CACNA2D3: variants seen among roughly 807,000 people sequenced by gnomAD.
CACNA2D3 encodes the protein voltage-dependent calcium channel subunit alpha-2/delta-3.
Under a neutral mutation model 160.6 loss-of-function variants are expected in CACNA2D3, and 60 were observed. That is an observed-to-expected ratio of 0.37 (90% CI 0.30 to 0.46). The LOEUF (loss-of-function observed/expected upper bound fraction) is 0.46, where lower values mean the gene tolerates loss of function less well. Among genes scored for constraint, CACNA2D3 ranks in the 20% least tolerant of loss-of-function variants. The pLI, the probability that CACNA2D3 is intolerant of heterozygous loss-of-function variation, is 1.00. For synonymous variants in CACNA2D3, 558 were observed against 492.9 expected (o/e 1.13, Z -1.75); for missense variants, 1,205 against 1,365.0 (o/e 0.88, Z 1.85).
At chr3:55,067,974 C>G (rs1000837854) in intron 35 of CACNA2D3, among the ~76,000 whole-genome samples, 2 of 152,172 alleles carry the variant, frequency 1.3e-5, no homozygotes, top group Non-Finnish European at 1.5e-5. Context: ...CTCCCTGTAA[C>G]CTGTGTTATG....
intron 5 of CACNA2D3, among the ~76,000 whole-genome samples, chr3:54,546,355 C>T (rs1183621616): frequency 6.6e-6 from 1 of 152,086 alleles, no homozygotes; most frequent in East Asian, 1.9e-4. Context: ...GTGTTTGGTT[C>T]CTTATATTGG....
intron 27 of CACNA2D3, among the ~76,000 whole-genome samples, chr3:54,923,695 G>A (rs1700920405): frequency 6.6e-6 from 1 of 152,206 alleles, no homozygotes; most frequent in African/African-American, 2.4e-5. Context: ...GCTAGGAAGA[G>A]TGAAGCACTG....
At chr3:54,234,832 G>A (rs1023024968) in intron 2 of CACNA2D3, among the ~76,000 whole-genome samples, 1 of 152,024 alleles carries the variant, frequency 6.6e-6, no homozygotes, top group African/African-American at 2.4e-5. Flanking sequence ...CACAAAGAAG[G>A]GAACAACAGA....
chr3:54,577,460 C>A (rs1190090910), intron 8 of CACNA2D3, among the ~76,000 whole-genome samples: 1 of 152,140 alleles, frequency 6.6e-6, no homozygotes, highest in African/African-American at 2.4e-5. Flanking sequence ...CCAACAAATG[C>A]AGATCCATGA....
intron 16 of CACNA2D3, among the ~76,000 whole-genome samples, chr3:54,842,206 A>G (rs531373539): frequency 1.2e-4 from 18 of 152,364 alleles, no homozygotes; most frequent in Non-Finnish European, 2.4e-4. Context: ...CACACAAAAC[A>G]TTCTGATGTT....
chr3:54,807,242 G>A (rs1312964170), intron 13 of CACNA2D3, among the ~76,000 whole-genome samples: 1 of 152,150 alleles, frequency 6.6e-6, no homozygotes, highest in African/African-American at 2.4e-5. Flanking sequence ...CACAGCGAAA[G>A]AAACTACCAT....
At chr3:54,676,757 G>A (rs771547375) in intron 11 of CACNA2D3, among the ~76,000 whole-genome samples, 2 of 152,172 alleles carry the variant, frequency 1.3e-5, no homozygotes, top group Non-Finnish European at 2.9e-5. Flanking sequence ...AGAGGGGAGA[G>A]TGGCTTAATT....
chr3:54,399,802 C>T lies in CACNA2D3; in HGVS notation c.381+13028C>T, dbSNP rs958540136. Among the ~76,000 whole-genome samples, 3 of 116,042 alleles carry T rather than the reference C, an allele frequency of 2.6e-5. 1 individual carries two copies. Among genetic ancestry groups the T allele is most frequent in the Non-Finnish European group, 5.4e-5 (3 of 55,694 alleles). The allele number at this position is 116,042 out of a possible 152,430, so 76.1% of individuals were successfully genotyped here. A position where few individuals can be genotyped will look rare whatever the true frequency, so the allele number is the denominator to read the frequency against. ...CTGTGCCCTGCCCCCAGAGGTGGAG[C>T]CTACAGAGGCAGGCAGGCCTCCTTG... On this transcript the variant is annotated intron_variant, in intron 4 of 37. Coordinates refer to ENST00000474759, the MANE Select transcript of CACNA2D3 (RefSeq NM_018398.3).
rs544292058 is a variant in CACNA2D3, at chr3:54,446,101, T to C, written c.382-57391T>C. On this transcript the variant is annotated intron_variant, in intron 4 of 37. Transcript: ENST00000474759. ...CACATGTTCATAGAAGAAGAGAACA[T>C]GTTTTCGGGGAGATGTCTTTTCGTG... Among the ~76,000 whole-genome samples the C allele has an allele frequency of 3.9e-5, 6 of 152,314 alleles. No individual in the cohort carries two copies. The South Asian group carries it at 1.0e-3, about 26-fold the overall frequency.
At chr3:54,330,197 CT>C (rs1162706199) in intron 3 of CACNA2D3, among the ~76,000 whole-genome samples, 1 of 140,766 alleles carries the variant, frequency 7.1e-6, no homozygotes, top group Non-Finnish European at 1.5e-5. Context: ...TTCTTGTATG[CT>C]TTTTAATTGA....
intron 13 of CACNA2D3, among the ~76,000 whole-genome samples, chr3:54,773,930 G>A (rs1465845203): frequency 2.0e-5 from 3 of 152,164 alleles, no homozygotes; most frequent in Non-Finnish European, 4.4e-5. Context: ...TAGATTTCAG[G>A]TGTTTATTGT....
intron 35 of CACNA2D3, among the ~76,000 whole-genome samples, chr3:55,039,046 C>T (rs1257608574): frequency 1.3e-5 from 2 of 151,784 alleles, no homozygotes; most frequent in Admixed American, 6.6e-5. Flanking sequence ...AGCAGAGATG[C>T]TGCCCTGCAA....
intron 4 of CACNA2D3, among the ~76,000 whole-genome samples, chr3:54,449,759 G>T (rs906201852): frequency 6.6e-6 from 1 of 152,126 alleles, no homozygotes; most frequent in African/African-American, 2.4e-5. Flanking sequence ...CACCATGATT[G>T]TAAGTTTCCC....
chr3:54,499,047 T>C (rs553886166), intron 4 of CACNA2D3, among the ~76,000 whole-genome samples: 2 of 152,208 alleles, frequency 1.3e-5, no homozygotes, highest in African/African-American at 4.8e-5. Context: ...GTATATGATC[T>C]AGAAAAGAAT....
At chr3:54,413,835 A>G (rs970990948) in intron 4 of CACNA2D3, among the ~76,000 whole-genome samples, 1 of 150,836 alleles carries the variant, frequency 6.6e-6, no homozygotes, top group Non-Finnish European at 1.5e-5. Flanking sequence ...ACTGACAATA[A>G]CAGTTTTAAA....
intron 17 of CACNA2D3, among the ~76,000 whole-genome samples, chr3:54,861,752 T>G (rs1197293772): frequency 6.6e-6 from 1 of 152,232 alleles, no homozygotes; most frequent in African/African-American, 2.4e-5. Flanking sequence ...ATGGACATGG[T>G]AGGTTGATGG....
chr3:55,055,326 G>C (rs562170006), intron 35 of CACNA2D3, among the ~76,000 whole-genome samples: 1 of 152,068 alleles, frequency 6.6e-6, no homozygotes, highest in Non-Finnish European at 1.5e-5. Context: ...CCTTTTCTCA[G>C]TGTGTATTCC....
intron 9 of CACNA2D3, among the ~76,000 whole-genome samples, chr3:54,602,617 C>A (rs541224632): frequency 6.6e-6 from 1 of 152,056 alleles, no homozygotes; most frequent in South Asian, 2.1e-4. Flanking sequence ...GGTCACACAC[C>A]CATGAAGCTA....
chr3:54,868,210 C>T (rs1699446691), intron 17 of CACNA2D3, among the ~76,000 whole-genome samples: 1 of 152,194 alleles, frequency 6.6e-6, no homozygotes, highest in Non-Finnish European at 1.5e-5. Flanking sequence ...AAATTAATCA[C>T]TCTGCTGCAT....
Sources: gnomAD v4.1 joint callset for allele counts (sites outside exome capture counted in the v4.1 genomes callset) on GRCh38, gnomAD v4.1.1 for gene constraint, MANE v1.5 for transcripts, NCBI Gene and HGNC (gene_info 2026-07-23, HGNC 2026-07-21) for gene names.